Variants in ADCK1 observed in about 807,000 individuals in gnomAD.
ADCK1 encodes aarF domain-containing protein kinase 1.
A neutral mutation model predicts 52.3 loss-of-function variants in ADCK1; 41 were observed. The ratio of observed to expected loss-of-function variants is 0.78; its 90% CI spans 0.61 to 1.02. The LOEUF (loss-of-function observed/expected upper bound fraction) is 1.02, where lower values mean the gene tolerates loss of function less well. ADCK1 is among the 50% of genes least tolerant of loss of function. The pLI is 0.00. For missense variants in ADCK1, 658 were observed against 679.5 expected (o/e 0.97, Z 0.35); for synonymous variants, 250 against 274.6 (o/e 0.91, Z 0.89).
At chr14:77,812,796 G>T (rs566763417) in intron 1 of ADCK1, among the ~76,000 whole-genome samples, 1 of 151,806 alleles carries the variant, frequency 6.6e-6, no homozygotes, top group Admixed American at 6.6e-5. Flanking sequence ...TGCCATGTTG[G>T]CCAGGCTAGT....
chr14:77,931,469 C>A (rs1160546188), intron 9 of ADCK1, 49 bp from the exon 10 acceptor site: 2 of 1,578,940 alleles, frequency 1.3e-6, no homozygotes, highest in South Asian at 2.3e-5. Flanking sequence ...ACCCCTGGCC[C>A]CACTGCCCAT....
At chr14:77,808,642 C>G (rs1397595299) in intron 1 of ADCK1, among the ~76,000 whole-genome samples, 1 of 152,206 alleles carries the variant, frequency 6.6e-6, no homozygotes, top group Non-Finnish European at 1.5e-5. Context: ...ATGGCGTGAT[C>G]TCAGCTCACT....
chr14:77,865,953 C>T (rs1199715854), intron 4 of ADCK1, among the ~76,000 whole-genome samples: 1 of 152,148 alleles, frequency 6.6e-6, no homozygotes, highest in Non-Finnish European at 1.5e-5. Context: ...TTCTGAGAGA[C>T]TCGTAAATGG....
intron 6 of ADCK1, 77 bp downstream of exon 6, chr14:77,899,335 A>G (rs1566716089): frequency 6.4e-7 from 1 of 1,561,262 alleles, no homozygotes; most frequent in Non-Finnish European, 8.7e-7. Flanking sequence ...TGCCTTGAGC[A>G]TCCCTTTCAG....
At chr14:77,837,192 T>C (rs1397962397) in intron 3 of ADCK1, among the ~76,000 whole-genome samples, 1 of 150,152 alleles carries the variant, frequency 6.7e-6, no homozygotes, top group Non-Finnish European at 1.5e-5. Flanking sequence ...CTCTGTTGCC[T>C]AGGCTGGAGT....
intron 10 of ADCK1, among the ~76,000 whole-genome samples, chr14:77,932,457 AG>A (rs1418651732): frequency 6.6e-6 from 1 of 152,126 alleles, no homozygotes; most frequent in Non-Finnish European, 1.5e-5. Flanking sequence ...TGTATTACTG[AG>A]TGTGACAAAT....
In ADCK1 at chr14:77,929,256, C is replaced by A. The variant is rs528708318; in HGVS notation, c.1207-2262C>A. Among the ~76,000 whole-genome samples the A allele has an allele frequency of 1.4e-4, 21 of 152,278 alleles. No homozygotes were observed. In the East Asian group the frequency reaches 3.7e-3, roughly 27 times the overall value. On this transcript the variant is annotated intron_variant, in intron 9 of 10. Transcript: ENST00000238561. ...GTGGCTTAAACATAAGGAATTTGTT[C>A]TCTCTCCTACAAGAAGCCTGGAGAT...
chr14:77,807,735 C>T (rs2081261005), intron 1 of ADCK1, among the ~76,000 whole-genome samples: 1 of 151,720 alleles, frequency 6.6e-6, no homozygotes. Flanking sequence ...TCTTGAACTC[C>T]CGATCTCAGG....
At chr14:77,824,184 C>G (rs1371560544) in intron 3 of ADCK1, among the ~76,000 whole-genome samples, 1 of 152,192 alleles carries the variant, frequency 6.6e-6, no homozygotes, top group African/African-American at 2.4e-5. Context: ...AGGTGTGAGC[C>G]ACCATGCCTG....
chr14:77,802,397 C>T (rs1329611671), intron 1 of ADCK1, among the ~76,000 whole-genome samples: 1 of 152,022 alleles, frequency 6.6e-6, no homozygotes, highest in Non-Finnish European at 1.5e-5. Flanking sequence ...TATTCCTTGC[C>T]TGGGTGAGAA....
intron 9 of ADCK1, among the ~76,000 whole-genome samples, chr14:77,927,946 G>A (rs1005667023): frequency 4.6e-5 from 7 of 152,214 alleles, no homozygotes; most frequent in African/African-American, 1.7e-4. Context: ...GAGATGCCCA[G>A]GCTTGCTCTT....
At chr14:77,852,879 G>GTATATATATATA (rs1420463258) in intron 3 of ADCK1, among the ~76,000 whole-genome samples, 29 of 30,594 alleles carry the variant, frequency 9.5e-4, no homozygotes, top group African/African-American at 3.4e-3. Context: ...AATCTTTTAT[G>GTATATATATATA]TGTGTATATA....
chr14:77,803,357 C>T (rs2139982723), intron 1 of ADCK1, among the ~76,000 whole-genome samples: 1 of 152,176 alleles, frequency 6.6e-6, no homozygotes, highest in East Asian at 1.9e-4. Context: ...TGATTCCAGG[C>T]CTTTAGTCCT....
chr14:77,811,416 A>C (rs115634906), intron 1 of ADCK1, among the ~76,000 whole-genome samples: 3,412 of 152,166 alleles, frequency 0.022, 138 homozygotes, highest in African/African-American at 0.079. Context: ...CAGCTTGCCT[A>C]TGGTCACCCA....
chr14:77,894,688 A>G (rs1388013958), intron 5 of ADCK1, among the ~76,000 whole-genome samples: 1 of 135,158 alleles, frequency 7.4e-6, no homozygotes, highest in Non-Finnish European at 1.6e-5. Context: ...CTCTTTTGCT[A>G]TTGTAAATAA....
At chr14:77,898,713 G>A (rs2083464517) in intron 5 of ADCK1, among the ~76,000 whole-genome samples, 1 of 152,090 alleles carries the variant, frequency 6.6e-6, no homozygotes, top group South Asian at 2.1e-4. Context: ...CCTAGGTGAT[G>A]GGTTGATAGG....
intron 1 of ADCK1, among the ~76,000 whole-genome samples, chr14:77,803,080 T>TAAG (rs1298161188): frequency 1.3e-5 from 2 of 152,190 alleles, no homozygotes; most frequent in Non-Finnish European, 2.9e-5. Context: ...TTGGCATCTT[T>TAAG]CCAGACTTGA....
At chr14:77,932,974 T>A (rs1270223437) in intron 10 of ADCK1, among the ~76,000 whole-genome samples, 1 of 152,232 alleles carries the variant, frequency 6.6e-6, no homozygotes, top group African/African-American at 2.4e-5. Context: ...ATTAGACCAT[T>A]GATGCCCTGT....
chr14:77,819,465 C>T (rs897936619), intron 2 of ADCK1, among the ~76,000 whole-genome samples: 1 of 152,136 alleles, frequency 6.6e-6, no homozygotes, highest in Non-Finnish European at 1.5e-5. Flanking sequence ...TCAGTAAATG[C>T]ATGTGCAAGG....
Sources: gnomAD v4.1 joint callset for allele counts (sites outside exome capture counted in the v4.1 genomes callset) on GRCh38, gnomAD v4.1.1 for gene constraint, MANE v1.5 for transcripts, NCBI Gene and HGNC (gene_info 2026-07-23, HGNC 2026-07-21) for gene names.